The following RNF152 variants were observed in gnomAD, a reference collection of about 807,000 sequenced individuals.
The protein encoded by RNF152 is E3 ubiquitin-protein ligase RNF152.
Under a neutral mutation model 12.7 loss-of-function variants are expected in RNF152, and 11 were observed. The ratio of observed to expected loss-of-function variants is 0.86; its 90% CI spans 0.54 to 1.43. The LOEUF is 1.43. RNF152 is among the 40% of genes most tolerant of loss of function. The pLI is 0.00. For synonymous variants in RNF152, 113 were observed against 120.3 expected (o/e 0.94, Z 0.40); for missense variants, 255 against 274.8 (o/e 0.93, Z 0.51).
intron 1 of RNF152, among the ~76,000 whole-genome samples, chr18:61,883,275 G>A (rs180784842): frequency 2.6e-5 from 4 of 152,202 alleles, no homozygotes; most frequent in African/African-American, 4.8e-5. Context: ...ACTGTGTACC[G>A]GGCCCCAAGC....
chr18:61,850,086 G>A (rs1231219290), intron 1 of RNF152, among the ~76,000 whole-genome samples: 1 of 152,150 alleles, frequency 6.6e-6, no homozygotes, highest in Non-Finnish European at 1.5e-5. Flanking sequence ...CCACCTAACT[G>A]TGGATTCTAC....
chr18:61,890,180 A>G (rs1275312512), intron 1 of RNF152, among the ~76,000 whole-genome samples: 2 of 152,208 alleles, frequency 1.3e-5, no homozygotes, highest in African/African-American at 2.4e-5. Flanking sequence ...GTGACATCCA[A>G]TACCCACCAA....
At chr18:61,893,896 G>T, upstream of RNF152, 1 of 152,702 alleles carries the variant, frequency 6.5e-6, no homozygotes, top group South Asian at 2.0e-4. Context: ...CCAGCTCTCA[G>T]GAGACACGCA....
intron 1 of RNF152, among the ~76,000 whole-genome samples, chr18:61,817,527 T>A (rs1006832168): frequency 2.0e-5 from 3 of 152,166 alleles, no homozygotes; most frequent in Non-Finnish European, 4.4e-5. Flanking sequence ...GTTCTCAGGA[T>A]GCAAAGCCCC....
Position 61,816,084 on chromosome 18 carries a change from T to C in RNF152, c.380A>G (p.Gln127Arg). ...MGCRLLPGSQQKSVTVVTIPA... is the reference protein window; with the variant it reads ...MGCRLLPGSQRKSVTVVTIPA... ...GATGGTCACCACGGTGACGGACTTCTGCTGGCTCCCGGGCAGCAGGCGGCA... is the reference window on the plus strand; with the variant it reads ...GATGGTCACCACGGTGACGGACTTCCGCTGGCTCCCGGGCAGCAGGCGGCA... Residue 127 changes from glutamine to arginine, a missense_variant, in exon 2 of 2, where the codon CAG (glutamine) becomes CGG (arginine). Physicochemically the swap from Gln to Arg is conservative, Grantham distance 43 (BLOSUM62 1). Transcript: ENST00000312828. The C allele has an allele frequency of 1.9e-6, 3 of 1,614,202 alleles. No individual in the cohort carries two copies. Among genetic ancestry groups the C allele is most frequent in the Non-Finnish European group, 2.5e-6 (3 of 1,180,042 alleles).
chr18:61,863,522 C>T (rs1337040201), intron 1 of RNF152, among the ~76,000 whole-genome samples: 2 of 151,480 alleles, frequency 1.3e-5, no homozygotes, highest in African/African-American at 4.9e-5. Flanking sequence ...GATTCTTCTA[C>T]TGACTTTTTA....
Position 61,815,662 on chromosome 18 carries a change from T to G in RNF152, c.*190A>C. 1 of 592,704 alleles carries G rather than the reference T, an allele frequency of 1.7e-6. No homozygotes were observed. Among genetic ancestry groups the G allele is most frequent in the Non-Finnish European group, 3.0e-6 (1 of 336,620 alleles). The allele number at this position is 592,704 out of a possible 1,614,324, so 36.7% of individuals were successfully genotyped here. A position where few individuals can be genotyped will look rare whatever the true frequency, so the allele number is the denominator to read the frequency against. ...TGTTGCCATCAACACTCAGAACAAT[T>G]CACCTGGTATCTTGTTGAGACCGCA... On this transcript the variant is annotated 3_prime_UTR_variant, in exon 2 of 2. Coordinates refer to ENST00000312828, the MANE Select transcript of RNF152 (RefSeq NM_173557.3).
At chr18:61,848,988 C>T (rs1189363215) in intron 1 of RNF152, among the ~76,000 whole-genome samples, 5 of 152,190 alleles carry the variant, frequency 3.3e-5, no homozygotes, top group Non-Finnish European at 7.3e-5. Context: ...TCTGCACCAG[C>T]CCAGGGGAGA....
intron 1 of RNF152, among the ~76,000 whole-genome samples, chr18:61,852,447 A>T (rs1313908567): frequency 6.6e-6 from 1 of 152,226 alleles, no homozygotes; most frequent in Non-Finnish European, 1.5e-5. Flanking sequence ...TTCCTGCCAC[A>T]ATTACAGCAT....
intron 1 of RNF152, among the ~76,000 whole-genome samples, chr18:61,825,137 T>G (rs1326199345): frequency 1.3e-5 from 2 of 152,160 alleles, no homozygotes; most frequent in Non-Finnish European, 2.9e-5. Context: ...AAGCAGATAT[T>G]TATTGTGAAC....
chr18:61,856,223 C>A (rs770445804), intron 1 of RNF152, among the ~76,000 whole-genome samples: 1 of 152,260 alleles, frequency 6.6e-6, no homozygotes, highest in Admixed American at 6.5e-5. Context: ...AAAGCGATGA[C>A]AATGAAGCCA....
rs373641819 is a variant in RNF152 at position 61,813,593 on chromosome 18, A to T, written c.*2259T>A. On this transcript the variant is annotated 3_prime_UTR_variant, in exon 2 of 2. Coordinates refer to ENST00000312828, the MANE Select transcript of RNF152 (RefSeq NM_173557.3). ...AAGAAACACAGGACACTATCATCAC[A>T]CACATTAGTGTCTATATCTAACCTA... The T allele has an allele frequency of 6.6e-6, 1 of 152,220 alleles. No individual in the cohort carries two copies. Among genetic ancestry groups the T allele is most frequent in the South Asian group, 2.1e-4 (1 of 4,824 alleles). The allele number at this position is 152,220 out of a possible 1,614,324, so 9.4% of individuals were successfully genotyped here. A position where few individuals can be genotyped will look rare whatever the true frequency, so the allele number is the denominator to read the frequency against.
At chr18:61,889,399 G>A (rs1024700542) in intron 1 of RNF152, among the ~76,000 whole-genome samples, 3 of 152,250 alleles carry the variant, frequency 2.0e-5, no homozygotes, top group South Asian at 2.1e-4. Context: ...CGTGCATGCC[G>A]TTATCACAAT....
chr18:61,845,487 C>G (rs913284941), intron 1 of RNF152, among the ~76,000 whole-genome samples: 23 of 152,236 alleles, frequency 1.5e-4, no homozygotes, highest in Non-Finnish European at 4.4e-5. Context: ...GGGAGAACAT[C>G]AATCTCTCTC....
chr18:61,843,471 A>C (rs962172167), intron 1 of RNF152, among the ~76,000 whole-genome samples: 1 of 152,240 alleles, frequency 6.6e-6, no homozygotes, highest in African/African-American at 2.4e-5. Flanking sequence ...AAAAAATTGA[A>C]AGCAGGGTCT....
chr18:61,843,172 T>G (rs1426766587), intron 1 of RNF152, among the ~76,000 whole-genome samples: 2 of 152,256 alleles, frequency 1.3e-5, no homozygotes, highest in Non-Finnish European at 2.9e-5. Flanking sequence ...CCTGAACAAC[T>G]GTTGCTGAAT....
At chr18:61,828,615 T>A (rs1447338470) in intron 1 of RNF152, among the ~76,000 whole-genome samples, 1 of 139,806 alleles carries the variant, frequency 7.2e-6, no homozygotes, top group Non-Finnish European at 1.6e-5. Context: ...ACCCAATCCA[T>A]AGGTATTGGT....
chr18:61,817,029 AC>A (rs1169748943), intron 1 of RNF152, among the ~76,000 whole-genome samples: 5 of 152,164 alleles, frequency 3.3e-5, no homozygotes, highest in African/African-American at 1.2e-4. Context: ...GACTCTACTT[AC>A]CCACTTGTAA....
At chr18:61,887,701 CA>C (rs34170984) in intron 1 of RNF152, among the ~76,000 whole-genome samples, 40,428 of 105,842 alleles carry the variant, frequency 0.38, 5,562 homozygotes, top group Middle Eastern at 0.47. Context: ...GACTCCATCT[CA>C]AAAAAAAAAA....
Sources: gnomAD v4.1 joint callset for allele counts (sites outside exome capture counted in the v4.1 genomes callset) on GRCh38, gnomAD v4.1.1 for gene constraint, MANE v1.5 for transcripts, NCBI Gene and HGNC (gene_info 2026-07-23, HGNC 2026-07-21) for gene names.